Variants in NT5E observed in about 807,000 individuals in gnomAD.
NT5E encodes 5'-nucleotidase ecto.
In NT5E, 53 loss-of-function variants were observed where a neutral mutation model predicts 55.1. The ratio of observed to expected loss-of-function variants is 0.96; its 90% CI spans 0.77 to 1.21. The LOEUF (loss-of-function observed/expected upper bound fraction) is 1.21. Ranked by LOEUF, NT5E falls within the 50% of genes most tolerant of loss-of-function variation. The probability of loss-of-function intolerance (pLI) is 0.00; values close to 1 mark genes in which losing one functional copy is unlikely to be tolerated. For missense variants in NT5E, 683 were observed against 724.3 expected (o/e 0.94, Z 0.65); for synonymous variants, 270 against 278.4 (o/e 0.97, Z 0.30).
At chr6:85,485,486 A>G (rs1307549617) in intron 4 of NT5E, 54 bp downstream of exon 4, 5 of 1,548,450 alleles carry the variant, frequency 3.2e-6, no homozygotes, top group Non-Finnish European at 4.5e-6. Flanking sequence ...ATGGCTGGAT[A>G]TTTTGCTCCT....
rs559807370 is a variant in NT5E, at chr6:85,454,901, C to A, written c.339+4423C>A. 1.3e-5 allele frequency among the ~76,000 whole-genome samples: 2 copies of A among 152,276 alleles called. 1 individual carries two copies. The highest frequency in any genetic ancestry group is 6.8e-3 in the Middle Eastern group (2 of 294). ...ACCAGCTTACCTCTGAGGTCCCATACATATTTGAACAACTGGAGCCCTACA... is the reference window on the plus strand; with the variant it reads ...ACCAGCTTACCTCTGAGGTCCCATAAATATTTGAACAACTGGAGCCCTACA... On this transcript the variant is annotated intron_variant, in intron 1 of 8. Coordinates refer to ENST00000257770, the MANE Select transcript of NT5E (RefSeq NM_002526.4).
chr6:85,458,129 T>C (rs1769022836), intron 1 of NT5E, among the ~76,000 whole-genome samples: 1 of 152,246 alleles, frequency 6.6e-6, no homozygotes, highest in South Asian at 2.1e-4. Context: ...TCACAATTAC[T>C]TTATCTTCAG....
At chr6:85,475,062 T>C (rs1769400202) in intron 3 of NT5E, among the ~76,000 whole-genome samples, 1 of 152,224 alleles carries the variant, frequency 6.6e-6, no homozygotes, top group African/African-American at 2.4e-5. Flanking sequence ...TTTATGGAAT[T>C]AGAATGACAT....
chr6:85,481,005 G>A (rs1017012767), intron 3 of NT5E, among the ~76,000 whole-genome samples: 13 of 152,226 alleles, frequency 8.5e-5, no homozygotes, highest in African/African-American at 3.1e-4. Context: ...ACTGAATTGA[G>A]GGGACCTGGG....
At chr6:85,488,233 G>A (rs1379162697) in intron 5 of NT5E, among the ~76,000 whole-genome samples, 1 of 152,198 alleles carries the variant, frequency 6.6e-6, no homozygotes, top group Non-Finnish European at 1.5e-5. Context: ...CTGAGCCAAG[G>A]TCTCCTATGT....
chr6:85,478,639 C>T (rs1005192377), intron 3 of NT5E, among the ~76,000 whole-genome samples: 9 of 151,798 alleles, frequency 5.9e-5, no homozygotes, highest in African/African-American at 1.9e-4. Context: ...AGTGATATGG[C>T]TACCTTAGAG....
Position 85,495,500 on chromosome 6 carries a change from C to CT in NT5E, c.*1501dup, listed in dbSNP as rs1769874028. 1 of 152,080 alleles carries CT rather than the reference C, an allele frequency of 6.6e-6. No individual in the cohort carries two copies. The highest frequency in any genetic ancestry group is 2.4e-5 in the African/African-American group (1 of 41,388). The allele number at this position is 152,080 out of a possible 1,614,324, so 9.4% of individuals were successfully genotyped here. The stretch of plus-strand genomic sequence containing the variant: ...AAAATATACTTTTAAACTTCATAAC[C>CT]TTTTTATAAAAGTTGTTGCAGCAAA... On this transcript the variant is annotated 3_prime_UTR_variant, in exon 9 of 9. Transcript: ENST00000257770.
chr6:85,490,987 TA>T, intron 7 of NT5E: 1 of 472,256 alleles, frequency 2.1e-6, no homozygotes, highest in South Asian at 1.7e-5. Flanking sequence ...ATTTTTTTTT[TA>T]AATCCTCTCC....
rs142656691 is a variant in NT5E, at chr6:85,492,024, G to A, written c.1408G>A (p.Val470Ile). Reference sequence around the variant, plus strand: ...TTCCCGAAAACCTGGAGACAGAGTAGTCAAATTAGATGTTCTTTGCACCAA... The same window carrying A: ...TTCCCGAAAACCTGGAGACAGAGTAATCAAATTAGATGTTCTTTGCACCAA... ...DLSRKPGDRV[V>I]KLDVLCTKCR... Residue 470 changes from valine (V) to isoleucine (I), a missense_variant, in exon 8 of 9, where the codon GTC (valine) becomes ATC (isoleucine). Val to Ile is a conservative substitution (Grantham distance 29). Coordinates refer to ENST00000257770, the MANE Select transcript of NT5E (RefSeq NM_002526.4). 5.0e-5 allele frequency: 80 copies of A among 1,614,218 alleles called. No individual in the cohort carries two copies. In the East Asian group the frequency reaches 1.7e-3, roughly 34 times the overall value.
chr6:85,487,688 C>G (rs1769697835), intron 5 of NT5E, among the ~76,000 whole-genome samples, 199 bp downstream of exon 5: 1 of 152,154 alleles, frequency 6.6e-6, no homozygotes, highest in African/African-American at 2.4e-5. Context: ...GCCCAGGAGG[C>G]TGCAGTGAGC....
At chr6:85,491,668 C>T (rs1284978960) in intron 7 of NT5E, among the ~76,000 whole-genome samples, 3 of 152,214 alleles carry the variant, frequency 2.0e-5, no homozygotes, top group African/African-American at 4.8e-5. Context: ...GCCATTGAAT[C>T]AATTTAGTAG....
chr6:85,453,788 G>A (rs1416859465), intron 1 of NT5E, among the ~76,000 whole-genome samples: 2 of 152,260 alleles, frequency 1.3e-5, no homozygotes, highest in East Asian at 1.9e-4. Flanking sequence ...CATGGCCCCC[G>A]CCTTTAACTC....
intron 1 of NT5E, among the ~76,000 whole-genome samples, chr6:85,465,282 A>G (rs1339368993): frequency 6.6e-6 from 1 of 152,236 alleles, no homozygotes; most frequent in East Asian, 1.9e-4. Context: ...TGCTAGGAAT[A>G]TAATGTTGCT....
At position 85,468,256 on chromosome 6, in the gene NT5E, G is replaced by A. The variant is rs150211132; in HGVS notation, c.562+974G>A. ...AAGTCAGCTGTGTTTGCTGAGAGCA[G>A]CAAGCGGGTCCTGCAGCTGGCATAG... is the stretch of plus-strand genomic sequence containing the variant. On this transcript the variant is annotated intron_variant, in intron 2 of 8. Transcript: ENST00000257770. Among the ~76,000 whole-genome samples, 477 of 152,330 alleles carry A rather than the reference G, an allele frequency of 3.1e-3. 1 individual carries two copies. The highest frequency in any genetic ancestry group is 0.011 in the African/African-American group (451 of 41,574).
chr6:85,484,575 T>A (rs188249476), intron 3 of NT5E, among the ~76,000 whole-genome samples: 1 of 152,242 alleles, frequency 6.6e-6, no homozygotes, highest in Non-Finnish European at 1.5e-5. Flanking sequence ...TGAATGTGGC[T>A]CTTCTAAAAG....
intron 1 of NT5E, among the ~76,000 whole-genome samples, chr6:85,456,019 G>C (rs1053321135): frequency 6.6e-6 from 1 of 152,176 alleles, no homozygotes; most frequent in Admixed American, 6.5e-5. Context: ...TTTATGACTA[G>C]AGGGTTAGAA....
chr6:85,479,014 T>C (rs948222977), intron 3 of NT5E, among the ~76,000 whole-genome samples: 1 of 152,160 alleles, frequency 6.6e-6, no homozygotes, highest in African/African-American at 2.4e-5. Context: ...AGAAATTATA[T>C]TGGTCATAAG....
intron 3 of NT5E, among the ~76,000 whole-genome samples, chr6:85,478,733 TTA>T (rs896857737): frequency 1.5e-4 from 22 of 150,220 alleles, no homozygotes; most frequent in Admixed American, 2.7e-4. Context: ...TTAAATATAT[TTA>T]TATATATATA....
chr6:85,473,610 T>A (rs1423773982), intron 3 of NT5E, among the ~76,000 whole-genome samples: 1 of 152,120 alleles, frequency 6.6e-6, no homozygotes, highest in East Asian at 1.9e-4. Flanking sequence ...TGTGTGTGCG[T>A]TCACATACGA....
Sources: allele counts gnomAD v4.1 joint callset (sites outside exome capture counted in the v4.1 genomes callset), GRCh38; gene constraint gnomAD v4.1.1; transcripts MANE v1.5; gene names NCBI Gene and HGNC (gene_info 2026-07-23, HGNC 2026-07-21).